CADPS: variants seen among roughly 807,000 people sequenced by gnomAD.
CADPS encodes calcium dependent secretion activator.
In CADPS, 57 loss-of-function variants were observed where a neutral mutation model predicts 167.3. That is an observed-to-expected ratio of 0.34 (90% CI 0.28 to 0.42). The LOEUF (loss-of-function observed/expected upper bound fraction) is 0.42. Among genes scored for constraint, CADPS ranks in the 20% least tolerant of loss-of-function variants. CADPS has a pLI of 1.00. For missense variants in CADPS, 1,414 were observed against 1,738.1 expected, an observed-to-expected ratio of 0.81 and a Z score of 3.32; for synonymous variants, 676 against 635.3, an observed-to-expected ratio of 1.06 and a Z score of -0.96.
At chr3:62,836,960 C>A (rs1001415174) in intron 1 of CADPS, among the ~76,000 whole-genome samples, 68 of 152,254 alleles carry the variant, frequency 4.5e-4, no homozygotes, top group African/African-American at 1.6e-3. Flanking sequence ...AATATAGATG[C>A]CTTGCTTGCT....
At chr3:62,777,657 C>T (rs913737953) in intron 1 of CADPS, among the ~76,000 whole-genome samples, 13 of 152,198 alleles carry the variant, frequency 8.5e-5, no homozygotes, top group East Asian at 1.9e-4. Context: ...ACGGAGTATA[C>T]GGGAACTCTT....
chr3:62,545,865 T>C (rs904702170), intron 11 of CADPS, among the ~76,000 whole-genome samples: 1 of 152,148 alleles, frequency 6.6e-6, no homozygotes, highest in African/African-American at 2.4e-5. Flanking sequence ...ACCCCAAAAA[T>C]ATTTCTATAT....
At position 62,592,756 on chromosome 3, in the gene CADPS, C is replaced by T; in HGVS notation, c.1326-8G>A. 1.2e-6 allele frequency: 2 copies of T among 1,604,664 alleles called. No homozygotes were observed. Among genetic ancestry groups the T allele is most frequent in the Non-Finnish European group, 1.7e-6 (2 of 1,171,578 alleles). ...TCACCCTGGGTGCCCCAGCTGCAGA[C>T]AGAATCAAAGAGGTCATTGTAGACA... is the stretch of plus-strand genomic sequence containing the variant. On this transcript the variant is annotated splice_region_variant and splice_polypyrimidine_tract_variant and intron_variant, in intron 6 of 29. Coordinates refer to ENST00000383710, the MANE Select transcript of CADPS (RefSeq NM_003716.4).
intron 1 of CADPS, among the ~76,000 whole-genome samples, chr3:62,847,548 G>C (rs1314698814): frequency 2.8e-4 from 15 of 53,966 alleles, no homozygotes; most frequent in Non-Finnish European, 4.3e-4. Flanking sequence ...TTGTTCTTGC[G>C]ATAGTTTACT....
chr3:62,656,432 C>T (rs1471348139), intron 4 of CADPS, among the ~76,000 whole-genome samples: 3 of 152,146 alleles, frequency 2.0e-5, no homozygotes, highest in Admixed American at 1.3e-4. Context: ...AAGTGTTAAG[C>T]AATAGTTACT....
At chr3:62,858,904 T>C (rs552906266) in intron 1 of CADPS, among the ~76,000 whole-genome samples, 2 of 152,324 alleles carry the variant, frequency 1.3e-5, no homozygotes, top group South Asian at 2.1e-4. Context: ...ATCATATTTA[T>C]AGAAAATGTT....
intron 6 of CADPS, among the ~76,000 whole-genome samples, chr3:62,594,968 G>A (rs553068471): frequency 5.9e-5 from 9 of 152,138 alleles, no homozygotes; most frequent in African/African-American, 2.2e-4. Flanking sequence ...TTGTTTTCAT[G>A]GATATTTTCT....
At chr3:62,586,925 A>G (rs2084774797) in intron 7 of CADPS, among the ~76,000 whole-genome samples, 1 of 152,240 alleles carries the variant, frequency 6.6e-6, no homozygotes, top group Non-Finnish European at 1.5e-5. Flanking sequence ...CTGTGGTGTT[A>G]TTAGCTATCT....
intron 28 of CADPS, among the ~76,000 whole-genome samples, chr3:62,430,239 G>A (rs2053644172): frequency 6.6e-6 from 1 of 152,140 alleles, no homozygotes; most frequent in African/African-American, 2.4e-5. Context: ...CATGTGGAAT[G>A]GAAATGTGTT....
At chr3:62,496,431 T>A (rs1051092112) in intron 18 of CADPS, among the ~76,000 whole-genome samples, 1 of 152,230 alleles carries the variant, frequency 6.6e-6, no homozygotes, top group Admixed American at 6.5e-5. Context: ...TACCTTGAAA[T>A]GAATCTGCTC....
intron 12 of CADPS, 39 bp from the exon 13 acceptor site, chr3:62,533,097 A>G (rs1468563411): frequency 5.7e-6 from 9 of 1,580,524 alleles, no homozygotes; most frequent in Non-Finnish European, 7.8e-6. Flanking sequence ...TTTTAAATAC[A>G]GGTTGTTTTC....
chr3:62,806,313 A>G (rs2094092077), intron 1 of CADPS, among the ~76,000 whole-genome samples: 1 of 151,194 alleles, frequency 6.6e-6, no homozygotes, highest in Admixed American at 6.6e-5. Context: ...CATCTACTTT[A>G]AACCAGGGCA....
At chr3:62,631,054 A>G (rs1189160365) in intron 6 of CADPS, among the ~76,000 whole-genome samples, 2 of 152,116 alleles carry the variant, frequency 1.3e-5, no homozygotes, top group African/African-American at 4.8e-5. Context: ...TGAAATGAAA[A>G]GAGACTTCTT....
At chr3:62,678,480 T>A (rs1422157732) in intron 3 of CADPS, among the ~76,000 whole-genome samples, 1 of 152,134 alleles carries the variant, frequency 6.6e-6, no homozygotes, top group African/African-American at 2.4e-5. Flanking sequence ...TTCTAACATC[T>A]GTGTTTCTCA....
chr3:62,823,884 C>A (rs1453459694), intron 1 of CADPS, among the ~76,000 whole-genome samples: 1 of 152,108 alleles, frequency 6.6e-6, no homozygotes, highest in Non-Finnish European at 1.5e-5. Context: ...TCTTGCTGGA[C>A]CTTAGGGGGC....
At chr3:62,564,145 G>T (rs574335940) in intron 9 of CADPS, among the ~76,000 whole-genome samples, 13 of 152,094 alleles carry the variant, frequency 8.5e-5, no homozygotes, top group Admixed American at 8.5e-4. Context: ...GGGACTACAG[G>T]TGCCCGCCAC....
In CADPS at chr3:62,536,688, G is replaced by A. The variant is rs1358391531; in HGVS notation, c.1967-107C>T. On this transcript the variant is annotated intron_variant, in intron 11 of 29. Transcript: ENST00000383710. ...TCACTAGACATTATGAACGTTAGCT[G>A]TTTCCCCGTTGCCTCCCACCAACAT... The A allele has an allele frequency of 3.6e-6, 4 of 1,121,064 alleles. No homozygotes were observed. In the African/African-American group the frequency reaches 6.2e-5, roughly 17 times the overall value. 69.4% of individuals were successfully genotyped at this position (1,121,064 alleles called of 1,614,324 possible).
chr3:62,557,812 A>C (rs2078430558), intron 9 of CADPS, among the ~76,000 whole-genome samples: 1 of 152,184 alleles, frequency 6.6e-6, no homozygotes, highest in African/African-American at 2.4e-5. Context: ...GTACTTGATG[A>C]AGGTTAGCTA....
At chr3:62,767,347 T>G (rs2087161031) in intron 1 of CADPS, among the ~76,000 whole-genome samples, 1 of 152,162 alleles carries the variant, frequency 6.6e-6, no homozygotes, top group Non-Finnish European at 1.5e-5. Flanking sequence ...GGATCAGGGC[T>G]GGGTTTAAAT....
Sources: allele counts gnomAD v4.1 joint callset (sites outside exome capture counted in the v4.1 genomes callset), GRCh38; gene constraint gnomAD v4.1.1; transcripts MANE v1.5; gene names NCBI Gene and HGNC (gene_info 2026-07-23, HGNC 2026-07-21).